KCNJ6: variants seen among roughly 807,000 people sequenced by gnomAD.
KCNJ6 encodes potassium inwardly rectifying channel subfamily J member 6, also known as G protein-activated inward rectifier potassium channel 2.
A neutral mutation model predicts 34.2 loss-of-function variants in KCNJ6; 9 were observed. The observed-to-expected ratio is 0.26, with a 90% CI of 0.16 to 0.46. The LOEUF (loss-of-function observed/expected upper bound fraction) is 0.46. Among genes scored for constraint, KCNJ6 ranks in the 20% least tolerant of loss-of-function variants. The pLI, the probability that KCNJ6 is intolerant of heterozygous loss-of-function variation, is 1.00. For synonymous variants in KCNJ6, 196 were observed against 207.1 expected (o/e 0.95, Z 0.46); for missense variants, 236 against 531.3 (o/e 0.44, Z 5.46).
intron 1 of KCNJ6, among the ~76,000 whole-genome samples, chr21:37,911,082 A>G (rs532361542): frequency 6.6e-6 from 1 of 152,354 alleles, no homozygotes; most frequent in East Asian, 1.9e-4. Flanking sequence ...TTTCACTATT[A>G]TTTAATGTTA....
intron 2 of KCNJ6, among the ~76,000 whole-genome samples, chr21:37,727,757 G>A (rs963841624): frequency 1.3e-5 from 2 of 152,186 alleles, no homozygotes; most frequent in African/African-American, 2.4e-5. Flanking sequence ...AACGGAGAAA[G>A]ATGGGGGAGA....
intron 2 of KCNJ6, among the ~76,000 whole-genome samples, chr21:37,772,209 G>T (rs2055120845): frequency 6.6e-6 from 1 of 152,074 alleles, no homozygotes; most frequent in Admixed American, 6.5e-5. Flanking sequence ...TTGAAAAAAG[G>T]ATATTCATGT....
intron 2 of KCNJ6, among the ~76,000 whole-genome samples, chr21:37,834,524 C>T (rs2055442222): frequency 6.6e-6 from 1 of 152,248 alleles, no homozygotes; most frequent in Admixed American, 6.5e-5. Context: ...TCCTTTGCCC[C>T]CAAATGTTGC....
intron 2 of KCNJ6, among the ~76,000 whole-genome samples, chr21:37,794,147 CTGCACTGAAAGATTTTCTGT>C (rs1390983408): frequency 6.6e-6 from 1 of 152,228 alleles, no homozygotes; most frequent in Admixed American, 6.5e-5. Context: ...AACATGTACT[CTGCACTGAAAGATTTTCTGT>C]TCCATATTTC....
chr21:37,802,417 G>T (rs931911833), intron 2 of KCNJ6, among the ~76,000 whole-genome samples: 3 of 151,972 alleles, frequency 2.0e-5, no homozygotes, highest in African/African-American at 7.3e-5. Context: ...TATCCAGAGG[G>T]CCCAATATAA....
At chr21:37,687,055 C>T (rs1193495666) in intron 3 of KCNJ6, among the ~76,000 whole-genome samples, 1 of 152,056 alleles carries the variant, frequency 6.6e-6, no homozygotes, top group Non-Finnish European at 1.5e-5. Context: ...ATGATGGTAT[C>T]AGGGAGGGCC....
intron 3 of KCNJ6, among the ~76,000 whole-genome samples, chr21:37,645,049 C>CT (rs1436614142): frequency 1.4e-5 from 2 of 143,316 alleles, no homozygotes; most frequent in African/African-American, 5.0e-5. Context: ...AAAAAACAGA[C>CT]TTTAAAGAAT....
intron 3 of KCNJ6, among the ~76,000 whole-genome samples, chr21:37,630,280 C>T (rs2054328561): frequency 6.6e-6 from 1 of 152,144 alleles, no homozygotes; most frequent in Admixed American, 6.5e-5. Flanking sequence ...CGTGGAAAAC[C>T]TGATCTTGAT....
At chr21:37,831,513 G>A (rs915220851) in intron 2 of KCNJ6, among the ~76,000 whole-genome samples, 2 of 152,000 alleles carry the variant, frequency 1.3e-5, no homozygotes, top group Admixed American at 6.5e-5. Context: ...TGAGATGACA[G>A]GAGGCAATTT....
At chr21:37,852,673 C>T (rs893511888) in intron 1 of KCNJ6, among the ~76,000 whole-genome samples, 1 of 152,176 alleles carries the variant, frequency 6.6e-6, no homozygotes, top group Non-Finnish European at 1.5e-5. Context: ...AATTACCTGT[C>T]ATACCAACAG....
intron 1 of KCNJ6, among the ~76,000 whole-genome samples, chr21:37,893,638 T>G (rs1224226842): frequency 3.9e-5 from 6 of 152,264 alleles, no homozygotes. Flanking sequence ...AAGCCTTTTT[T>G]TTTTTTTTTC....
chr21:37,804,736 T>C (rs1422431744), intron 2 of KCNJ6, among the ~76,000 whole-genome samples: 1 of 152,228 alleles, frequency 6.6e-6, no homozygotes, highest in Admixed American at 6.5e-5. Flanking sequence ...TCCATGTTCC[T>C]GCAAAGGATA....
chr21:37,614,628 ATGTC>A lies in KCNJ6; in HGVS notation c.*10527_*10530del, dbSNP rs1380027877. Reference sequence around the variant, plus strand: ...TGTCTGTATGCGTGTGTGTATGCATATGTCTGTGTGTGTATGCACGTGTGTGTAT... The same window carrying A: ...TGTCTGTATGCGTGTGTGTATGCATATGTGTGTGTATGCACGTGTGTGTAT... On this transcript the variant is annotated 3_prime_UTR_variant, in exon 4 of 4. Coordinates refer to ENST00000609713, the MANE Select transcript of KCNJ6 (RefSeq NM_002240.5). 2 of 121,196 alleles carry A rather than the reference ATGTC, an allele frequency of 1.7e-5. No homozygotes were observed. Among genetic ancestry groups the A allele is most frequent in the South Asian group, 5.3e-4 (2 of 3,794 alleles). The allele number at this position is 121,196 out of a possible 1,614,324, so 7.5% of individuals were successfully genotyped here. A position where few individuals can be genotyped will look rare whatever the true frequency, so the allele number is the denominator to read the frequency against.
chr21:37,687,167 T>G (rs1175126895), intron 3 of KCNJ6, among the ~76,000 whole-genome samples: 1 of 152,136 alleles, frequency 6.6e-6, no homozygotes, highest in East Asian at 1.9e-4. Flanking sequence ...AGGCGCCTCT[T>G]AACCTGGGCC....
chr21:37,792,238 T>TGTTTTGGCACAA (rs1219888887), intron 2 of KCNJ6, among the ~76,000 whole-genome samples: 2 of 152,220 alleles, frequency 1.3e-5, no homozygotes, highest in Non-Finnish European at 2.9e-5. Context: ...GGTCAGTTAG[T>TGTTTTGGCACAA]GGTGTTTTGG....
chr21:37,702,438 C>T (rs145313332), intron 3 of KCNJ6, among the ~76,000 whole-genome samples: 172 of 152,182 alleles, frequency 1.1e-3, no homozygotes, highest in Non-Finnish European at 1.6e-3. Context: ...TCTCCGATGA[C>T]GCTGTAGTTT....
chr21:37,914,008 G>GGTGTGTGTGTGTGTGT lies in KCNJ6; in HGVS notation c.-28+1860_-28+1875dup, dbSNP rs371432862. On this transcript the variant is annotated intron_variant, in intron 1 of 3. Transcript: ENST00000609713. ...GCAACCCTCGTCAGAGGCGGATCGG[G>GGTGTGTGTGTGTGTGT]GTGTGTGTGTGTGTGTGTGTGTGTG... Among the ~76,000 whole-genome samples the GGTGTGTGTGTGTGTGT allele has an allele frequency of 5.3e-3, 718 of 135,574 alleles. 10 individuals carry two copies. Among genetic ancestry groups the GGTGTGTGTGTGTGTGT allele is most frequent in the Middle Eastern group, 0.022 (6 of 268 alleles). The allele number at this position is 135,574 out of a possible 152,430, so 88.9% of individuals were successfully genotyped here.
chr21:37,746,849 C>T (rs2054969987), intron 2 of KCNJ6, among the ~76,000 whole-genome samples: 3 of 152,246 alleles, frequency 2.0e-5, no homozygotes, highest in Admixed American at 2.0e-4. Context: ...TCCACTCTGA[C>T]TGCTCAGTGG....
At chr21:37,835,295 A>T (rs1473520673) in intron 2 of KCNJ6, among the ~76,000 whole-genome samples, 1 of 152,156 alleles carries the variant, frequency 6.6e-6, no homozygotes, top group African/African-American at 2.4e-5. Flanking sequence ...GGGGGGTCCT[A>T]GGGAAGGGAT....
Sources: gnomAD v4.1 joint callset for allele counts (sites outside exome capture counted in the v4.1 genomes callset) on GRCh38, gnomAD v4.1.1 for gene constraint, MANE v1.5 for transcripts, NCBI Gene and HGNC (gene_info 2026-07-23, HGNC 2026-07-21) for gene names.